The following TRAPPC3L variants were observed in gnomAD, a reference collection of about 807,000 sequenced individuals.
The protein encoded by TRAPPC3L is trafficking protein particle complex subunit 3-like protein.
Under a neutral mutation model 23.7 loss-of-function variants are expected in TRAPPC3L, and 23 were observed. The ratio of observed to expected loss-of-function variants is 0.97; its 90% CI spans 0.70 to 1.37. TRAPPC3L has a LOEUF of 1.37. Among genes scored for constraint, TRAPPC3L ranks in the 40% most tolerant of loss-of-function variants. The pLI is 0.00. For synonymous variants in TRAPPC3L, 81 were observed against 77.9 expected, an observed-to-expected ratio of 1.04 and a Z score of -0.21; for missense variants, 212 against 216.8, an observed-to-expected ratio of 0.98 and a Z score of 0.14.
chr6:116,521,921 T>C (rs2115174531), intron 3 of TRAPPC3L: 1 of 152,258 alleles, frequency 6.6e-6, no homozygotes, highest in East Asian at 1.9e-4. Flanking sequence ...AATGTTGCAA[T>C]GCTCAACAGT....
intron 2 of TRAPPC3L, among the ~76,000 whole-genome samples, chr6:116,541,504 T>C (rs1276015576): frequency 1.3e-5 from 2 of 152,130 alleles, no homozygotes; most frequent in Non-Finnish European, 2.9e-5. Context: ...CTTTGGTGAC[T>C]AGGTGGTTGG....
At chr6:116,508,369 T>TA (rs900873645) in intron 3 of TRAPPC3L, among the ~76,000 whole-genome samples, 2 of 152,152 alleles carry the variant, frequency 1.3e-5, no homozygotes, top group Non-Finnish European at 2.9e-5. Context: ...GTCATGAGCA[T>TA]AAAATACCAT....
intron 3 of TRAPPC3L, among the ~76,000 whole-genome samples, chr6:116,539,360 A>G (rs1047228640): frequency 2.6e-5 from 4 of 152,224 alleles, no homozygotes; most frequent in Non-Finnish European, 5.9e-5. Context: ...TAACAGTTTC[A>G]ACCACATTAT....
At chr6:116,511,577 C>A in intron 3 of TRAPPC3L, 2 of 867,760 alleles carry the variant, frequency 2.3e-6, no homozygotes, top group Admixed American at 2.4e-5. Flanking sequence ...CCTTATCTGG[C>A]TCAATTCAGT....
chr6:116,535,319 C>T (rs1773008392), intron 3 of TRAPPC3L, among the ~76,000 whole-genome samples: 1 of 152,194 alleles, frequency 6.6e-6, no homozygotes, highest in African/African-American at 2.4e-5. Context: ...AGGATGTGGA[C>T]TCTTCCTTTT....
At chr6:116,498,931 A>T (rs911308630) in intron 4 of TRAPPC3L, among the ~76,000 whole-genome samples, 5 of 151,766 alleles carry the variant, frequency 3.3e-5, no homozygotes, top group Non-Finnish European at 7.4e-5. Context: ...TGCTCTACAG[A>T]CTCTGCCTAG....
intron 3 of TRAPPC3L, among the ~76,000 whole-genome samples, chr6:116,505,072 C>T (rs1309614668): frequency 6.6e-6 from 1 of 152,174 alleles, no homozygotes; most frequent in Non-Finnish European, 1.5e-5. Context: ...AAGAGGAAGT[C>T]AAATTGTCTC....
intron 4 of TRAPPC3L, among the ~76,000 whole-genome samples, chr6:116,499,702 C>G (rs538968878): frequency 1.2e-4 from 19 of 152,276 alleles, no homozygotes; most frequent in Non-Finnish European, 2.5e-4. Context: ...TTCTCCTGCT[C>G]CTCTTACCCA....
intron 3 of TRAPPC3L, among the ~76,000 whole-genome samples, chr6:116,512,943 T>G (rs548957722): frequency 2.0e-5 from 3 of 152,338 alleles, no homozygotes; most frequent in African/African-American, 7.2e-5. Flanking sequence ...TTGTTTTATT[T>G]AACAGAAGGA....
At chr6:116,500,428 G>T (rs1771893451) in intron 4 of TRAPPC3L, 53 bp downstream of exon 4, 2 of 1,440,102 alleles carry the variant, frequency 1.4e-6, no homozygotes, top group Non-Finnish European at 1.9e-6. Context: ...TCTTATTTTA[G>T]CCTTAGAAGG....
chr6:116,506,183 A>C (rs554671023), intron 3 of TRAPPC3L, among the ~76,000 whole-genome samples: 2 of 152,304 alleles, frequency 1.3e-5, no homozygotes, highest in Non-Finnish European at 2.9e-5. Flanking sequence ...GGAAAAAACA[A>C]CCCCATCAAA....
At chr6:116,541,865 G>T (rs936018335) in intron 2 of TRAPPC3L, among the ~76,000 whole-genome samples, 2 of 152,108 alleles carry the variant, frequency 1.3e-5, no homozygotes, top group African/African-American at 2.4e-5. Context: ...CTGCAAAGTA[G>T]ATATTTTATA....
At chr6:116,528,619 G>T (rs1772522960) in intron 3 of TRAPPC3L, among the ~76,000 whole-genome samples, 1 of 152,128 alleles carries the variant, frequency 6.6e-6, no homozygotes, top group African/African-American at 2.4e-5. Flanking sequence ...TTACCACAAA[G>T]AATTTTTCTT....
chr6:116,527,523 A>AC (rs1251326366), intron 3 of TRAPPC3L, among the ~76,000 whole-genome samples: 77 of 138,686 alleles, frequency 5.6e-4, no homozygotes, highest in Non-Finnish European at 1.0e-3. Flanking sequence ...TCAAAACAAA[A>AC]AAAAAAAAAA....
At chr6:116,529,470 G>A (rs1424517590) in intron 3 of TRAPPC3L, among the ~76,000 whole-genome samples, 1 of 152,202 alleles carries the variant, frequency 6.6e-6, no homozygotes, top group Admixed American at 6.5e-5. Flanking sequence ...CCACCCTACA[G>A]TTAGGGATTT....
At chr6:116,511,668 A>G (rs1368989885) in intron 3 of TRAPPC3L, 2 of 1,599,034 alleles carry the variant, frequency 1.3e-6, no homozygotes, top group Admixed American at 1.7e-5. Context: ...TAACAAAGGC[A>G]CAGCATTTTC....
chr6:116,519,986 G>A (rs1008188671), intron 3 of TRAPPC3L: 12 of 152,116 alleles, frequency 7.9e-5, no homozygotes, highest in Non-Finnish European at 1.6e-4. Context: ...ATAAGGCATG[G>A]CAGACAAATC....
intron 3 of TRAPPC3L, among the ~76,000 whole-genome samples, chr6:116,538,617 A>C (rs1278340795): frequency 6.6e-6 from 1 of 152,230 alleles, no homozygotes; most frequent in Admixed American, 6.5e-5. Context: ...AAAGCCTAAT[A>C]AACAACCTTA....
intron 3 of TRAPPC3L, chr6:116,519,315 T>A (rs1393585258): frequency 7.0e-6 from 1 of 143,356 alleles, no homozygotes; most frequent in African/African-American, 2.5e-5. Flanking sequence ...TTCTGGGACT[T>A]CAGCCTCAGC....
Sources: gnomAD v4.1 joint callset for allele counts (sites outside exome capture counted in the v4.1 genomes callset) on GRCh38, gnomAD v4.1.1 for gene constraint, MANE v1.5 for transcripts, NCBI Gene and HGNC (gene_info 2026-07-23, HGNC 2026-07-21) for gene names.